The following CRIM1 variants were observed in gnomAD, a reference collection of about 807,000 sequenced individuals.
CRIM1 encodes the protein cysteine rich transmembrane BMP regulator 1.
CRIM1 carries 32 observed loss-of-function variants against 116.4 expected under a neutral mutation model. The ratio of observed to expected loss-of-function variants is 0.27; its 90% CI spans 0.21 to 0.37. CRIM1 has a LOEUF of 0.37. Ranked by LOEUF, CRIM1 falls within the 10% of genes least tolerant of loss-of-function variation. The pLI is 1.00. For missense variants in CRIM1, 1,331 were observed against 1,354.8 expected, an observed-to-expected ratio of 0.98 and a Z score of 0.28; for synonymous variants, 590 against 509.2, an observed-to-expected ratio of 1.16 and a Z score of -2.13.
At chr2:36,487,019 A>G (rs1679871958) in intron 7 of CRIM1, among the ~76,000 whole-genome samples, 1 of 152,232 alleles carries the variant, frequency 6.6e-6, no homozygotes, top group Non-Finnish European at 1.5e-5. Context: ...TTATGCTGCA[A>G]CCATTGATAA....
chr2:36,549,676 T>C lies in CRIM1; in HGVS notation c.*975T>C, dbSNP rs1408470882. On this transcript the variant is annotated 3_prime_UTR_variant, in exon 17 of 17. Transcript: ENST00000280527. ...ATTCTTTTTCCTTATTATATACTGA[T>C]TCTACAAAATAGAAACTACTTCATT... 6.6e-6 allele frequency: 1 copy of C among 152,482 alleles called. No individual in the cohort carries two copies. Among genetic ancestry groups the C allele is most frequent in the Non-Finnish European group, 1.5e-5 (1 of 67,988 alleles). 9.4% of individuals were successfully genotyped at this position (152,482 alleles called of 1,614,324 possible).
chr2:36,446,381 G>A (rs115195514), intron 4 of CRIM1, among the ~76,000 whole-genome samples: 1,722 of 152,308 alleles, frequency 0.011, 25 homozygotes, highest in African/African-American at 0.037. Context: ...GTTCTTAAGA[G>A]TGACAGACAC....
intron 5 of CRIM1, among the ~76,000 whole-genome samples, chr2:36,468,829 G>A (rs1031062460): frequency 1.3e-5 from 2 of 152,182 alleles, no homozygotes; most frequent in African/African-American, 4.8e-5. Context: ...TGTAGAGTGT[G>A]CAAGTGATTA....
chr2:36,368,707 G>C (rs1458924030), intron 1 of CRIM1, among the ~76,000 whole-genome samples: 2 of 152,182 alleles, frequency 1.3e-5, no homozygotes, highest in African/African-American at 4.8e-5. Context: ...AGAAAACTCA[G>C]TGGCTAATTA....
chr2:36,548,641 C>T lies in CRIM1; in HGVS notation c.3051C>T (p.Gly1017=). The change falls in exon 17 of 17, where the codon GGC becomes GGT. Residue 1017 remains glycine (G), a synonymous_variant. Transcript: ENST00000280527. Reference sequence around the variant, plus strand: ...CAGAACCAGATGCAAGATTCAGTGGCTTCTACAGCATGCAAAAACAGAACC... The same window carrying T: ...CAGAACCAGATGCAAGATTCAGTGGTTTCTACAGCATGCAAAAACAGAACC... The part of the protein sequence containing the change: ...RIAEPDARFS[G]FYSMQKQNHL... The T allele has an allele frequency of 6.2e-7, 1 of 1,612,202 alleles. No homozygotes were observed. Among genetic ancestry groups the T allele is most frequent in the Non-Finnish European group, 8.5e-7 (1 of 1,179,320 alleles).
rs142543016 is a variant in CRIM1 at position 36,434,740 on chromosome 2, T to C, written c.506-6518T>C. Among the ~76,000 whole-genome samples the C allele has an allele frequency of 2.2e-3, 337 of 152,390 alleles. 3 individuals carry two copies. Among genetic ancestry groups the C allele is most frequent in the African/African-American group, 7.6e-3 (315 of 41,594 alleles). ...TTCTTGTTGAGTCTTTATTGGTATT[T>C]TCTGCCTATTAATTGTATCAGTTTA... is the stretch of plus-strand genomic sequence containing the variant. On this transcript the variant is annotated intron_variant, in intron 2 of 16. Transcript: ENST00000280527.
chr2:36,426,616 G>A (rs1234599992), intron 2 of CRIM1, among the ~76,000 whole-genome samples: 1 of 152,100 alleles, frequency 6.6e-6, no homozygotes, highest in Non-Finnish European at 1.5e-5. Context: ...GTAAGTCAGG[G>A]ACAAAAGGTG....
intron 2 of CRIM1, among the ~76,000 whole-genome samples, chr2:36,438,565 T>A (rs1181717526): frequency 1.3e-5 from 2 of 152,184 alleles, no homozygotes; most frequent in Non-Finnish European, 2.9e-5. Flanking sequence ...GGTTATACTA[T>A]GAAAGTGGGC....
chr2:36,509,782 G>A (rs1681688357), intron 8 of CRIM1, among the ~76,000 whole-genome samples: 1 of 152,086 alleles, frequency 6.6e-6, no homozygotes, highest in African/African-American at 2.4e-5. Context: ...ACTTTATTTT[G>A]TTTATTATTA....
intron 1 of CRIM1, among the ~76,000 whole-genome samples, chr2:36,357,998 T>G (rs1372688148): frequency 4.6e-5 from 7 of 152,188 alleles, no homozygotes; most frequent in Admixed American, 4.6e-4. Context: ...CTGAATAGTT[T>G]GGGGTTTGGA....
chr2:36,459,544 G>A (rs1466213393), intron 4 of CRIM1, among the ~76,000 whole-genome samples: 3 of 152,136 alleles, frequency 2.0e-5, no homozygotes, highest in Admixed American at 1.3e-4. Flanking sequence ...GTCTGATTTT[G>A]ATTTAGTATG....
chr2:36,499,160 T>C (rs898375230), intron 7 of CRIM1, 59 bp from the exon 8 acceptor site: 1 of 1,342,536 alleles, frequency 7.4e-7, no homozygotes, highest in African/African-American at 1.5e-5. Context: ...AAAAATTGAA[T>C]AGCATCTAAA....
chr2:36,475,336 T>C (rs1427180338), intron 5 of CRIM1, among the ~76,000 whole-genome samples: 1 of 152,262 alleles, frequency 6.6e-6, no homozygotes, highest in African/African-American at 2.4e-5. Context: ...AAGTATTGTA[T>C]ACTTTTTGAT....
intron 1 of CRIM1, among the ~76,000 whole-genome samples, chr2:36,364,681 A>AT (rs1177892046): frequency 2.0e-5 from 3 of 152,006 alleles, no homozygotes; most frequent in Admixed American, 6.6e-5. Context: ...TAAATCTGTT[A>AT]TTTTTTTAAT....
At chr2:36,430,506 C>G (rs1159393307) in intron 2 of CRIM1, among the ~76,000 whole-genome samples, 1 of 152,240 alleles carries the variant, frequency 6.6e-6, no homozygotes, top group African/African-American at 2.4e-5. Context: ...AAACACATCC[C>G]TTTGCTCAGC....
At chr2:36,399,626 T>G (rs1672273863) in intron 2 of CRIM1, among the ~76,000 whole-genome samples, 2 of 152,118 alleles carry the variant, frequency 1.3e-5, no homozygotes, top group Admixed American at 6.5e-5. Context: ...TTTAGGGCAA[T>G]GTAGAGGTCA....
chr2:36,473,197 G>T (rs1189043394), intron 5 of CRIM1, among the ~76,000 whole-genome samples: 3 of 152,136 alleles, frequency 2.0e-5, no homozygotes, highest in African/African-American at 7.2e-5. Context: ...TCCAAATGCG[G>T]TGAAAGTATT....
At chr2:36,548,202 C>G (rs1047328437) in intron 16 of CRIM1, among the ~76,000 whole-genome samples, 22 of 151,610 alleles carry the variant, frequency 1.5e-4, no homozygotes, top group Middle Eastern at 3.4e-3. Flanking sequence ...CTACCTTCCA[C>G]TCATTCTTCA....
intron 11 of CRIM1, among the ~76,000 whole-genome samples, chr2:36,516,850 G>A (rs1013657909): frequency 7.9e-5 from 12 of 152,284 alleles, no homozygotes; most frequent in African/African-American, 1.9e-4. Flanking sequence ...AGTTTCCCTC[G>A]TCTCTCCCTG....
Sources: allele counts gnomAD v4.1 joint callset (sites outside exome capture counted in the v4.1 genomes callset), GRCh38; gene constraint gnomAD v4.1.1; transcripts MANE v1.5; gene names NCBI Gene and HGNC (gene_info 2026-07-23, HGNC 2026-07-21).